Variants in SDK2 observed in about 807,000 individuals in gnomAD.
SDK2 encodes sidekick cell adhesion molecule 2, also known as protein sidekick-2.
A neutral mutation model predicts 253.9 loss-of-function variants in SDK2; 105 were observed. That is an observed-to-expected ratio of 0.41 (90% CI 0.35 to 0.49). SDK2 has a LOEUF of 0.49. Among genes scored for constraint, SDK2 ranks in the 20% least tolerant of loss-of-function variants. SDK2 has a pLI of 0.06. For missense variants in SDK2, 2,608 were observed against 3,003.0 expected, an observed-to-expected ratio of 0.87 and a Z score of 3.07; for synonymous variants, 1,249 against 1,234.9, an observed-to-expected ratio of 1.01 and a Z score of -0.24.
chr17:73,381,239 G>A (rs2062828415), intron 33 of SDK2, among the ~76,000 whole-genome samples: 1 of 152,154 alleles, frequency 6.6e-6, no homozygotes, highest in Non-Finnish European at 1.5e-5. Flanking sequence ...GGACATCTCT[G>A]GGGGACCCTC....
intron 1 of SDK2, among the ~76,000 whole-genome samples, chr17:73,575,864 G>A (rs1599693129): frequency 6.6e-6 from 1 of 152,240 alleles, no homozygotes; most frequent in Admixed American, 6.5e-5. Context: ...CGAAGGGGCA[G>A]GGCCTGCTCT....
In SDK2 at chr17:73,625,351, C is replaced by G. The variant is rs986237815; in HGVS notation, c.64+18674G>C. On this transcript the variant is annotated intron_variant, in intron 1 of 44. Transcript: ENST00000392650. ...CCTCACCCTTGTCGTATTCCTGGAG[C>G]CTGAGAGAAGAGGGTCCCCTGGCCT... Among the ~76,000 whole-genome samples, 7 of 152,318 alleles carry G rather than the reference C, an allele frequency of 4.6e-5. No individual in the cohort carries two copies. The South Asian group carries it at 6.2e-4, about 14-fold the overall frequency.
intron 41 of SDK2, 80 bp from the exon 42 acceptor site, chr17:73,350,870 T>C: frequency 7.0e-7 from 1 of 1,435,000 alleles, no homozygotes; most frequent in South Asian, 1.3e-5. Flanking sequence ...GGGACCCTAC[T>C]AACTGCTACA....
At position 73,383,863 on chromosome 17, in the gene SDK2, A is replaced by T. The variant is rs770310051; in HGVS notation, c.4705+13T>A. On this transcript the variant is annotated intron_variant, in intron 33 of 44. Coordinates refer to ENST00000392650, the MANE Select transcript of SDK2 (RefSeq NM_001144952.2). The surrounding 1 kb of genome is among the most constrained non-coding windows in gnomAD (Gnocchi z 4.3). ...CATCCCACCCATTCCTCTGGCTCCC[A>T]AGTGTCACTCACAGGTAAGCTCAGC... 3.3e-5 allele frequency: 54 copies of T among 1,613,692 alleles called. No individual in the cohort carries two copies. In the Admixed American group the frequency reaches 8.5e-4, roughly 25 times the overall value.
chr17:73,482,506 T>C (rs911357171), intron 2 of SDK2, among the ~76,000 whole-genome samples: 3 of 152,208 alleles, frequency 2.0e-5, no homozygotes, highest in Non-Finnish European at 4.4e-5. Context: ...GAGGCTCCGA[T>C]TGATCCCCCG....
chr17:73,452,228 C>T (rs1215167488), intron 4 of SDK2, among the ~76,000 whole-genome samples: 2 of 152,268 alleles, frequency 1.3e-5, no homozygotes, highest in East Asian at 3.9e-4. Context: ...TGCTCTTGCC[C>T]CACCAGTGAG....
chr17:73,390,570 C>G, intron 28 of SDK2, 89 bp from the exon 29 acceptor site: 4 of 1,349,390 alleles, frequency 3.0e-6, no homozygotes, highest in Non-Finnish European at 4.0e-6. Context: ...AAAGCCACAG[C>G]TGTGTCTGTA....
chr17:73,639,963 A>G lies in SDK2; in HGVS notation c.64+4062T>C, dbSNP rs2143307978. 6.6e-6 allele frequency among the ~76,000 whole-genome samples: 1 copy of G among 152,268 alleles called. No homozygotes were observed. The highest frequency in any genetic ancestry group is 1.9e-4 in the East Asian group (1 of 5,186). ...CAAGTCAAATGCAATGATTCCCATTAGTCCTTAGGACAGAAGATAAGCCCA... is the reference window on the plus strand; with the variant it reads ...CAAGTCAAATGCAATGATTCCCATTGGTCCTTAGGACAGAAGATAAGCCCA... On this transcript the variant is annotated intron_variant, in intron 1 of 44. Coordinates refer to ENST00000392650, the MANE Select transcript of SDK2 (RefSeq NM_001144952.2). The surrounding 1 kb of genome is among the most constrained non-coding windows in gnomAD (Gnocchi z 4.3).
chr17:73,394,988 C>T (rs1340611587), intron 25 of SDK2, among the ~76,000 whole-genome samples, 167 bp downstream of exon 25: 1 of 152,192 alleles, frequency 6.6e-6, no homozygotes, highest in African/African-American at 2.4e-5. Flanking sequence ...GTGGCAGGTG[C>T]TGGGAGAGGC....
intron 44 of SDK2, among the ~76,000 whole-genome samples, chr17:73,340,251 C>A (rs1401268845): frequency 6.6e-6 from 1 of 152,176 alleles, no homozygotes; most frequent in South Asian, 2.1e-4. Flanking sequence ...GCATTAGGAC[C>A]GTCGCAGTGT....
In SDK2 at chr17:73,379,438, C is replaced by G. The variant is rs555332435; in HGVS notation, c.4864+10G>C. 5 of 1,590,280 alleles carry G rather than the reference C, an allele frequency of 3.1e-6. No individual in the cohort carries two copies. In the African/African-American group the frequency reaches 6.7e-5, roughly 21 times the overall value. The stretch of plus-strand genomic sequence containing the variant: ...GCATGCTGGGGCCGGACAGGGCGGG[C>G]GCTGCTCACCTGCCTCCCCAACAAA... On this transcript the variant is annotated intron_variant, in intron 35 of 44. Transcript: ENST00000392650. The surrounding 1 kb of genome is among the most constrained non-coding windows in gnomAD (Gnocchi z 4.5).
At position 73,415,954 on chromosome 17, in the gene SDK2, T is replaced by C; in HGVS notation, c.2225A>G (p.Lys742Arg). The C allele has an allele frequency of 6.2e-7, 1 of 1,611,824 alleles. No individual in the cohort carries two copies. The highest frequency in any genetic ancestry group is 8.5e-7 in the Non-Finnish European group (1 of 1,179,178). The change falls in exon 17 of 45, where the codon AAG (lysine) becomes AGG (arginine). Residue 742 changes from lysine to arginine, a missense_variant. Around this residue, in one of 2 missense-constraint regions of SDK2, gnomAD observed 1,505 missense variants for 1,859.1 expected, o/e 0.81. Coordinates refer to ENST00000392650, the MANE Select transcript of SDK2 (RefSeq NM_001144952.2). ...GTTCACATCAGCATCCGTGATGTTC[T>C]TAAACTGGTACCCCACGGGCAGCCC... ...LAGLPVGYQF[K>R]NITDADVNNL...
intron 2 of SDK2, among the ~76,000 whole-genome samples, chr17:73,507,169 C>T (rs975752652): frequency 6.6e-6 from 1 of 152,364 alleles, no homozygotes; most frequent in Admixed American, 6.5e-5. Flanking sequence ...TGCCCAACAC[C>T]ACCTCTGCTC....
chr17:73,442,227 G>A (rs1269331441), intron 5 of SDK2, among the ~76,000 whole-genome samples: 1 of 152,242 alleles, frequency 6.6e-6, no homozygotes, highest in Non-Finnish European at 1.5e-5. Context: ...AAGAGAAGCT[G>A]ACCATACTGG....
intron 3 of SDK2, among the ~76,000 whole-genome samples, chr17:73,466,725 C>CA (rs1024126401): frequency 2.1e-5 from 3 of 145,622 alleles, no homozygotes; most frequent in Admixed American, 1.3e-4. Flanking sequence ...GCCCCCCCCC[C>CA]CCGGCTTAGG....
intron 1 of SDK2, among the ~76,000 whole-genome samples, chr17:73,585,466 A>G (rs1487372543): frequency 1.3e-5 from 2 of 151,902 alleles, no homozygotes; most frequent in Non-Finnish European, 2.9e-5. Flanking sequence ...TTCCCCAGAT[A>G]CTCTGTTCGG....
chr17:73,376,256 A>G (rs1397725275), intron 36 of SDK2, among the ~76,000 whole-genome samples: 1 of 142,546 alleles, frequency 7.0e-6, no homozygotes, highest in East Asian at 2.4e-4. Flanking sequence ...TGCTTCATTT[A>G]CCACCACCTG....
chr17:73,500,159 TTC>T, intron 2 of SDK2, among the ~76,000 whole-genome samples: 1 of 139,382 alleles, frequency 7.2e-6, no homozygotes, highest in East Asian at 2.3e-4. Flanking sequence ...CTCTCCTCCA[TTC>T]TCTGTCCATC....
At chr17:73,430,685 C>T in intron 11 of SDK2, 72 bp from the exon 12 acceptor site, 1 of 1,031,110 alleles carries the variant, frequency 9.7e-7, no homozygotes, top group Non-Finnish European at 1.3e-6. Flanking sequence ...TGGGTGGATA[C>T]CATATGAAAG....
Sources: allele counts gnomAD v4.1 joint callset (sites outside exome capture counted in the v4.1 genomes callset), GRCh38; gene constraint gnomAD v4.1.1; regional missense constraint gnomAD v4.1.1; non-coding constraint Gnocchi (gnomAD v3.1); transcripts MANE v1.5; gene names NCBI Gene and HGNC (gene_info 2026-07-23, HGNC 2026-07-21).